The following METTL6 variants were observed in gnomAD, a reference collection of about 807,000 sequenced individuals.
METTL6 encodes tRNA N(3)-cytidine methyltransferase METTL6.
In METTL6, 22 loss-of-function variants were observed where a neutral mutation model predicts 26.4. That is an observed-to-expected ratio of 0.83 (90% CI 0.59 to 1.19). The LOEUF (loss-of-function observed/expected upper bound fraction) is 1.19. METTL6 is among the 50% of genes most tolerant of loss of function. METTL6 has a pLI of 0.00. For synonymous variants in METTL6, 109 were observed against 116.2 expected (o/e 0.94, Z 0.40); for missense variants, 304 against 324.8 (o/e 0.94, Z 0.49).
chr3:15,392,134 A>G (rs1366160131), intron 6 of METTL6, among the ~76,000 whole-genome samples: 2 of 152,096 alleles, frequency 1.3e-5, no homozygotes, highest in Non-Finnish European at 2.9e-5. Context: ...AAGTGATCCT[A>G]TTTCTCCACA....
chr3:15,414,574 C>T (rs868174645), intron 4 of METTL6: 117 of 268,906 alleles, frequency 4.4e-4, no homozygotes, highest in Non-Finnish European at 6.4e-4. Flanking sequence ...AGGCTAGTCT[C>T]GAACTCCTGA....
At chr3:15,408,769 G>T, downstream of METTL6, among the ~76,000 whole-genome samples, 1 of 151,884 alleles carries the variant, frequency 6.6e-6, no homozygotes, top group East Asian at 1.9e-4. Context: ...TAGAGATGGG[G>T]TCTTGCTACA....
intron 6 of METTL6, among the ~76,000 whole-genome samples, chr3:15,390,977 G>T (rs1367298915): frequency 6.6e-6 from 1 of 152,172 alleles, no homozygotes; most frequent in African/African-American, 2.4e-5. Flanking sequence ...GCTCTCAGCG[G>T]GATGGGGAGT....
chr3:15,383,772 G>C (rs927569182), exon 7 of METTL6: 1 of 152,418 alleles, frequency 6.6e-6, no homozygotes, highest in Non-Finnish European at 1.5e-5. Context: ...TAGCAGGCTT[G>C]TGAAGCTGAG....
At chr3:15,388,549 C>G (rs1044897085) in intron 6 of METTL6, among the ~76,000 whole-genome samples, 1 of 151,976 alleles carries the variant, frequency 6.6e-6, no homozygotes, top group Non-Finnish European at 1.5e-5. Context: ...TGGGTGGGAG[C>G]CACAAGATCA....
chr3:15,385,511 T>C (rs146052982), intron 6 of METTL6, among the ~76,000 whole-genome samples: 42 of 152,164 alleles, frequency 2.8e-4, no homozygotes, highest in Admixed American at 2.4e-3. Context: ...GGCAGGAGAA[T>C]TGCTTGAACT....
At chr3:15,391,065 C>T (rs752321576) in intron 6 of METTL6, among the ~76,000 whole-genome samples, 13 of 152,204 alleles carry the variant, frequency 8.5e-5, no homozygotes, top group Non-Finnish European at 1.6e-4. Flanking sequence ...TCTCCAAAGC[C>T]GCATCATCTG....
chr3:15,385,014 T>C (rs1459856281), intron 6 of METTL6, among the ~76,000 whole-genome samples: 1 of 152,148 alleles, frequency 6.6e-6, no homozygotes, highest in Non-Finnish European at 1.5e-5. Context: ...GTATGCAAAA[T>C]TTATCAGGTC....
At chr3:15,425,230 T>C (rs1315804170) in intron 2 of METTL6, 141 bp from the exon 3 acceptor site, 5 of 811,398 alleles carry the variant, frequency 6.2e-6, no homozygotes, top group South Asian at 3.8e-5. Flanking sequence ...CAAAAGCTAA[T>C]ACTGGTACTT....
At chr3:15,403,817 C>T (rs1699711876) in intron 6 of METTL6, among the ~76,000 whole-genome samples, 1 of 152,120 alleles carries the variant, frequency 6.6e-6, no homozygotes, top group African/African-American at 2.4e-5. Flanking sequence ...CTGCTGGTTG[C>T]CCATTTTTGT....
downstream of METTL6, among the ~76,000 whole-genome samples, chr3:15,408,078 T>G (rs1300671258): frequency 1.3e-5 from 2 of 152,230 alleles, no homozygotes; most frequent in African/African-American, 2.4e-5. Context: ...ATTTCCCTAC[T>G]TAAAATCGTG....
chr3:15,398,167 G>A (rs564839714), intron 6 of METTL6, among the ~76,000 whole-genome samples: 13 of 151,518 alleles, frequency 8.6e-5, no homozygotes, highest in South Asian at 8.4e-4. Flanking sequence ...CTGGCCTGGC[G>A]TCAGTTGAAC....
rs375783930 is a variant in METTL6 at position 15,424,992 on chromosome 3, G to T, written c.323C>A (p.Ala108Asp). The part of the protein sequence containing the change: ...LEEDPNIFAY[A>D]CDFSPRAIEY... The stretch of plus-strand genomic sequence containing the variant: ...AATGGCTCTTGGAGAAAAATCACAG[G>T]CATAGGCAAAGATATTCGGATCTTC... The change falls in exon 3 of 6, where the codon GCC (alanine) becomes GAC (aspartate). Residue 108 changes from alanine to aspartate, a missense_variant. Coordinates refer to ENST00000383790, the MANE Select transcript of METTL6 (RefSeq NM_152396.4). The T allele has an allele frequency of 6.2e-7, 1 of 1,614,150 alleles. No individual in the cohort carries two copies. The highest frequency in any genetic ancestry group is 2.2e-5 in the East Asian group (1 of 44,872).
intron 5 of METTL6, chr3:15,413,525 T>G (rs1700060239): frequency 1.5e-6 from 1 of 647,700 alleles, no homozygotes; most frequent in Non-Finnish European, 2.1e-6. Context: ...TGAGCCAAGA[T>G]CACACCACTG....
chr3:15,405,528 A>G (rs1439177554), downstream of METTL6, among the ~76,000 whole-genome samples: 1 of 152,242 alleles, frequency 6.6e-6, no homozygotes, highest in Non-Finnish European at 1.5e-5. Flanking sequence ...ATTTGTAATA[A>G]TCCATGCTCT....
chr3:15,410,865 G>C lies in METTL6; in HGVS notation c.*391C>G, dbSNP rs1699937026. The stretch of plus-strand genomic sequence containing the variant: ...TCCAGCCTGCGTACCACAAGATCCT[G>C]TCTCAAAAAATATATAAAGTAAAAA... On this transcript the variant is annotated 3_prime_UTR_variant, in exon 6 of 6. Coordinates refer to ENST00000383790, the MANE Select transcript of METTL6 (RefSeq NM_152396.4). Among the ~76,000 whole-genome samples, 1 of 151,940 alleles carries C rather than the reference G, an allele frequency of 6.6e-6. No individual in the cohort carries two copies. Among genetic ancestry groups the C allele is most frequent in the Non-Finnish European group, 1.5e-5 (1 of 67,988 alleles).
intron 2 of METTL6, 85 bp downstream of exon 2, chr3:15,426,202 G>A: frequency 1.5e-6 from 2 of 1,353,224 alleles, no homozygotes; most frequent in Non-Finnish European, 1.0e-6. Flanking sequence ...GCCTCCCCAA[G>A]TACTGGGATT....
At chr3:15,412,750 A>T (rs1412529435) in intron 5 of METTL6, among the ~76,000 whole-genome samples, 3 of 152,056 alleles carry the variant, frequency 2.0e-5, no homozygotes, top group Non-Finnish European at 4.4e-5. Context: ...TCAGTCTCCC[A>T]AATAATTTTG....
upstream of METTL6, chr3:15,427,547 G>A (rs1332635293): frequency 7.3e-6 from 4 of 546,370 alleles, no homozygotes; most frequent in Non-Finnish European, 1.3e-5. Flanking sequence ...CTAGGAACCC[G>A]GAAGTTCCTA....
Sources: allele counts gnomAD v4.1 joint callset (sites outside exome capture counted in the v4.1 genomes callset), GRCh38; gene constraint gnomAD v4.1.1; transcripts MANE v1.5; gene names NCBI Gene and HGNC (gene_info 2026-07-23, HGNC 2026-07-21).